AK5: variants seen among roughly 807,000 people sequenced by gnomAD.
AK5 encodes adenylate kinase 5.
A neutral mutation model predicts 69.5 loss-of-function variants in AK5; 27 were observed. The observed-to-expected ratio is 0.39, with a 90% CI of 0.29 to 0.54. The LOEUF (loss-of-function observed/expected upper bound fraction) is 0.54, where lower values mean the gene tolerates loss of function less well. Among genes scored for constraint, AK5 ranks in the 20% least tolerant of loss-of-function variants. The pLI is 0.71. For missense variants in AK5, 531 were observed against 700.4 expected (o/e 0.76, Z 2.73); for synonymous variants, 260 against 244.4 (o/e 1.06, Z -0.60).
At chr1:77,460,585 A>G (rs1653770844) in intron 8 of AK5, among the ~76,000 whole-genome samples, 1 of 152,238 alleles carries the variant, frequency 6.6e-6, no homozygotes, top group African/African-American at 2.4e-5. Context: ...ATGCATACAC[A>G]ATGAAATACT....
At chr1:77,465,199 C>T (rs190251381) in intron 8 of AK5, among the ~76,000 whole-genome samples, 1 of 152,148 alleles carries the variant, frequency 6.6e-6, no homozygotes, top group African/African-American at 2.4e-5. Flanking sequence ...ACTTCAGGGT[C>T]CTGTAAAGAG....
chr1:77,293,009 T>C lies in AK5; in HGVS notation c.248-784T>C, dbSNP rs142481312. Among the ~76,000 whole-genome samples the C allele has an allele frequency of 3.2e-3, 489 of 152,336 alleles. 7 individuals carry two copies. The highest frequency in any genetic ancestry group is 0.011 in the African/African-American group (474 of 41,576). On this transcript the variant is annotated intron_variant, in intron 2 of 13. Transcript: ENST00000354567. ...CTCTTAACACACTAACGTATTGGCA[T>C]GTTATAAACGGCAACAAATAGCAAA...
intron 6 of AK5, chr1:77,346,097 C>T (rs1256497703): frequency 1.3e-5 from 2 of 152,134 alleles, no homozygotes; most frequent in Admixed American, 6.5e-5. Context: ...AATGCATCAT[C>T]ATAAAGTTCT....
chr1:77,483,285 A>C, intron 8 of AK5, 32 bp from the exon 9 acceptor site: 1 of 1,553,080 alleles, frequency 6.4e-7, no homozygotes, highest in Non-Finnish European at 8.9e-7. Flanking sequence ...ACCTGCTGTT[A>C]TTATTATCTA....
chr1:77,370,478 A>G (rs371513986), intron 6 of AK5, among the ~76,000 whole-genome samples: 1 of 152,180 alleles, frequency 6.6e-6, no homozygotes, highest in Admixed American at 6.5e-5. Context: ...TTTATTTTCC[A>G]ACTTTTTGCA....
intron 8 of AK5, among the ~76,000 whole-genome samples, chr1:77,444,389 ATATAG>A (rs1652586148): frequency 2.4e-5 from 1 of 41,698 alleles, no homozygotes; most frequent in African/African-American, 8.2e-5. Context: ...TATATAGTAT[ATATAG>A]TATAAATATA....
At chr1:77,357,489 T>C (rs1414193903) in intron 6 of AK5, among the ~76,000 whole-genome samples, 1 of 152,226 alleles carries the variant, frequency 6.6e-6, no homozygotes, top group East Asian at 1.9e-4. Context: ...ATAAATGATC[T>C]AATCAAAATA....
At chr1:77,425,813 A>G (rs1237795025) in intron 8 of AK5, among the ~76,000 whole-genome samples, 1 of 152,216 alleles carries the variant, frequency 6.6e-6, no homozygotes, top group Non-Finnish European at 1.5e-5. Context: ...AAATGAGAGC[A>G]ATGATACAAA....
chr1:77,348,148 A>C (rs1277933274), intron 6 of AK5, among the ~76,000 whole-genome samples: 1 of 151,064 alleles, frequency 6.6e-6, no homozygotes, highest in Non-Finnish European at 1.5e-5. Context: ...TATTACCGAC[A>C]CTCATAAAAC....
At chr1:77,523,876 G>T (rs1332028607) in intron 12 of AK5, among the ~76,000 whole-genome samples, 1 of 151,838 alleles carries the variant, frequency 6.6e-6, no homozygotes, top group Non-Finnish European at 1.5e-5. Context: ...CTGTTACAAG[G>T]GCTGGACTTG....
Position 77,319,839 on chromosome 1 carries a change from A to C in AK5, c.700-20538A>C, listed in dbSNP as rs1312840767. Among the ~76,000 whole-genome samples the C allele has an allele frequency of 2.0e-5, 3 of 152,362 alleles. No individual in the cohort carries two copies. In the East Asian group the frequency reaches 5.8e-4, roughly 29 times the overall value. On this transcript the variant is annotated intron_variant, in intron 5 of 13. Transcript: ENST00000354567. ...ATTTAGTCTCACTGACTATAAGCACATTGCATTCTGTGAAGAATGATTATG... is the reference window on the plus strand; with the variant it reads ...ATTTAGTCTCACTGACTATAAGCACCTTGCATTCTGTGAAGAATGATTATG...
chr1:77,538,372 AC>A (rs1050561157), intron 13 of AK5, among the ~76,000 whole-genome samples: 12 of 151,356 alleles, frequency 7.9e-5, no homozygotes, highest in Middle Eastern at 3.4e-3. Context: ...AAAAAAAAAA[AC>A]ATAAACAAAA....
At chr1:77,405,405 G>T (rs960696977) in intron 6 of AK5, among the ~76,000 whole-genome samples, 1 of 152,220 alleles carries the variant, frequency 6.6e-6, no homozygotes, top group Non-Finnish European at 1.5e-5. Flanking sequence ...CCTTGGCCTC[G>T]GTTGCTTCTT....
At chr1:77,402,444 C>A (rs12132133) in intron 6 of AK5, among the ~76,000 whole-genome samples, 5 of 128,392 alleles carry the variant, frequency 3.9e-5, no homozygotes, top group Admixed American at 3.1e-4. Context: ...ATCCCTCCCC[C>A]CTCCCCCCAC....
At chr1:77,354,565 A>G (rs1224748689) in intron 6 of AK5, among the ~76,000 whole-genome samples, 1 of 152,246 alleles carries the variant, frequency 6.6e-6, no homozygotes, top group Non-Finnish European at 1.5e-5. Context: ...AACTTAATGC[A>G]TACATTAATG....
chr1:77,391,525 A>ATATATATATATATATATATATC (rs146163792), intron 6 of AK5, among the ~76,000 whole-genome samples: 1 of 121,680 alleles, frequency 8.2e-6, no homozygotes, highest in Non-Finnish European at 1.7e-5. Flanking sequence ...ATATATATAT[A>ATATATATATATATATATATATC]TATCTCCTCA....
chr1:77,291,710 T>C (rs1174370498), intron 2 of AK5, among the ~76,000 whole-genome samples: 1 of 152,236 alleles, frequency 6.6e-6, no homozygotes, highest in African/African-American at 2.4e-5. Flanking sequence ...AGCACAGTTC[T>C]AGATCCCAGG....
chr1:77,475,435 GTATATATAT>G (rs1654848219), intron 8 of AK5, among the ~76,000 whole-genome samples: 4 of 2,500 alleles, frequency 1.6e-3, no homozygotes, highest in South Asian at 0.017. Flanking sequence ...TTATATATAT[GTATATATAT>G]TATATATATA....
chr1:77,439,646 T>C (rs1019666595), intron 8 of AK5, among the ~76,000 whole-genome samples: 1 of 152,064 alleles, frequency 6.6e-6, no homozygotes, highest in African/African-American at 2.4e-5. Context: ...GTCAGAACTG[T>C]GATATTTATC....
Sources: gnomAD v4.1 joint callset for allele counts (sites outside exome capture counted in the v4.1 genomes callset) on GRCh38, gnomAD v4.1.1 for gene constraint, MANE v1.5 for transcripts, NCBI Gene and HGNC (gene_info 2026-07-23, HGNC 2026-07-21) for gene names.